SH3TC2: variants seen among roughly 807,000 people sequenced by gnomAD.
The protein encoded by SH3TC2 is SH3 domain and tetratricopeptide repeat-containing protein 2.
Under a neutral mutation model 124.5 loss-of-function variants are expected in SH3TC2, and 87 were observed. The ratio of observed to expected loss-of-function variants is 0.70; its 90% CI spans 0.59 to 0.84. SH3TC2 has a LOEUF of 0.84. Among genes scored for constraint, SH3TC2 ranks in the 40% least tolerant of loss-of-function variants. SH3TC2 has a pLI of 0.00. For synonymous variants in SH3TC2, 634 were observed against 628.5 expected (o/e 1.01, Z -0.13); for missense variants, 1,536 against 1,566.4 (o/e 0.98, Z 0.33).
intron 1 of SH3TC2, among the ~76,000 whole-genome samples, chr5:149,055,418 T>C (rs1248007233): frequency 1.3e-5 from 2 of 151,732 alleles, no homozygotes; most frequent in East Asian, 3.9e-4. Context: ...AATAAATATA[T>C]GAAAATTGTT....
chr5:149,021,820 C>T (rs1190205292), intron 12 of SH3TC2, among the ~76,000 whole-genome samples: 2 of 147,740 alleles, frequency 1.4e-5, no homozygotes, highest in East Asian at 2.1e-4. Context: ...ATTTAGAAGT[C>T]TTCACTGGTG....
At position 148,996,287 on chromosome 5, in the gene SH3TC2, GA is replaced by G. The variant is rs568565416; in HGVS notation, c.*8423del. ...TAAGAGAGAAAGAGAGAGAGAGAGA[GA>G]AACAGACAGATGGACTTTATACAAC... is the stretch of plus-strand genomic sequence containing the variant. On this transcript the variant is annotated 3_prime_UTR_variant, in exon 17 of 17. Transcript: ENST00000515425. Among the ~76,000 whole-genome samples the G allele has an allele frequency of 8.0e-3, 1,219 of 151,792 alleles. 11 individuals carry two copies. The highest frequency in any genetic ancestry group is 0.026 in the African/African-American group (1,072 of 41,384).
At position 148,988,121 on chromosome 5, in the gene SH3TC2, T is replaced by C. The variant is rs564063667; in HGVS notation, c.*16590A>G. On this transcript the variant is annotated 3_prime_UTR_variant, in exon 17 of 17. Coordinates refer to ENST00000515425, the MANE Select transcript of SH3TC2 (RefSeq NM_024577.4). ...CAAGGCTGGGTTCTTTTGGCCTTAC[T>C]GGGTAATAAAAACTCTATGCACACA... Among the ~76,000 whole-genome samples, 26 of 152,264 alleles carry C rather than the reference T, an allele frequency of 1.7e-4. No homozygotes were observed. In the East Asian group the frequency reaches 5.0e-3, roughly 29 times the overall value.
Position 149,027,033 on chromosome 5 carries a change from A to G in SH3TC2, c.2699T>C (p.Leu900Pro). The change falls in exon 11 of 17, where the codon CTG becomes CCG. Residue 900 changes from leucine to proline, a missense_variant. By Grantham distance (98) the Leu-to-Pro change is moderately conservative. Coordinates refer to ENST00000515425, the MANE Select transcript of SH3TC2 (RefSeq NM_024577.4). The stretch of plus-strand genomic sequence containing the variant: ...TTCACAATAGAGTCGTACAGCCTGC[A>G]GGAGATAGTTTCTGGCTGGATGCTG... ...WAQHPARNYL[L>P]QAVRLYCELQ... The G allele has an allele frequency of 6.2e-7, 1 of 1,614,160 alleles. No individual in the cohort carries two copies. The highest frequency in any genetic ancestry group is 8.5e-7 in the Non-Finnish European group (1 of 1,180,036).
intron 8 of SH3TC2, among the ~76,000 whole-genome samples, chr5:149,032,199 T>G (rs1222638794): frequency 1.3e-5 from 2 of 152,194 alleles, no homozygotes; most frequent in African/African-American, 4.8e-5. Context: ...TCACCATTGT[T>G]AAGGTCTGAT....
At chr5:149,014,716 C>T (rs1343453715) in intron 12 of SH3TC2, among the ~76,000 whole-genome samples, 1 of 152,190 alleles carries the variant, frequency 6.6e-6, no homozygotes, top group African/African-American at 2.4e-5. Flanking sequence ...AACTCCACAC[C>T]ATGCTGCAGT....
intron 9 of SH3TC2, among the ~76,000 whole-genome samples, chr5:149,029,276 T>C (rs374681076): frequency 2.0e-5 from 3 of 152,084 alleles, no homozygotes; most frequent in Non-Finnish European, 2.9e-5. Context: ...TTTGTAAAAG[T>C]GGCAGGGGCG....
At chr5:149,033,797 G>A (rs1296829094) in intron 8 of SH3TC2, among the ~76,000 whole-genome samples, 1 of 152,178 alleles carries the variant, frequency 6.6e-6, no homozygotes, top group Non-Finnish European at 1.5e-5. Context: ...ACTACCTGGT[G>A]TTGGTACCAC....
intron 8 of SH3TC2, chr5:149,034,453 GA>G: frequency 2.5e-6 from 1 of 402,878 alleles, no homozygotes; most frequent in Non-Finnish European, 4.9e-6. Context: ...TTCAAAGGAA[GA>G]AGGACTGAAA....
At chr5:149,028,640 A>T in intron 10 of SH3TC2, 37 bp downstream of exon 10, 1 of 1,614,190 alleles carries the variant, frequency 6.2e-7, no homozygotes, top group African/African-American at 1.3e-5. Context: ...TGCTGTCCTC[A>T]AGGATGAATG....
intron 12 of SH3TC2, 80 bp downstream of exon 12, chr5:149,026,492 C>T: frequency 6.4e-6 from 10 of 1,571,928 alleles, no homozygotes; most frequent in Non-Finnish European, 8.7e-6. Flanking sequence ...TACATTTGGA[C>T]TTGCTTCCTG....
chr5:149,051,844 C>T (rs1561773257), intron 2 of SH3TC2, among the ~76,000 whole-genome samples: 2 of 152,168 alleles, frequency 1.3e-5, no homozygotes, highest in African/African-American at 4.8e-5. Context: ...TTTTTAATTA[C>T]CCCATCTCTC....
Position 148,986,894 on chromosome 5 carries a change from A to T in SH3TC2, c.*17817T>A, listed in dbSNP as rs1753341843. Reference sequence around the variant, plus strand: ...GTTACACCCAAAAAATGCTGAGATTATTTAACAATGCAATAATATGAGGTC... The same window carrying T: ...GTTACACCCAAAAAATGCTGAGATTTTTTAACAATGCAATAATATGAGGTC... On this transcript the variant is annotated 3_prime_UTR_variant, in exon 17 of 17. Transcript: ENST00000515425. Among the ~76,000 whole-genome samples the T allele has an allele frequency of 6.6e-6, 1 of 152,244 alleles. No individual in the cohort carries two copies. The highest frequency in any genetic ancestry group is 2.1e-4 in the South Asian group (1 of 4,834).
At chr5:149,013,794 C>T (rs1753824392) in intron 12 of SH3TC2, among the ~76,000 whole-genome samples, 1 of 152,188 alleles carries the variant, frequency 6.6e-6, no homozygotes, top group Non-Finnish European at 1.5e-5. Flanking sequence ...CACTGTGCAT[C>T]ATCTAGATAG....
chr5:149,028,140 C>A lies in SH3TC2; in HGVS notation c.1592G>T (p.Cys531Phe). 1 of 1,614,128 alleles carries A rather than the reference C, an allele frequency of 6.2e-7. No individual in the cohort carries two copies. The highest frequency in any genetic ancestry group is 8.5e-7 in the Non-Finnish European group (1 of 1,180,038). ...GATGCTCAGCCGGCCCAGGAGGAAG[C>A]AGAGACGGGCATGGGCCCAGGTCAT... ...SHMTWAHARL[C>F]FLLGRLSIRK... The change falls in exon 11 of 17, where the codon TGC becomes TTC. Residue 531 changes from cysteine to phenylalanine, a missense_variant. Cys to Phe is a radical substitution (Grantham distance 205, BLOSUM62 -2). Transcript: ENST00000515425.
intron 10 of SH3TC2, 23 bp downstream of exon 10, chr5:149,028,654 G>C (rs1754127444): frequency 6.2e-7 from 1 of 1,614,082 alleles, no homozygotes; most frequent in African/African-American, 1.3e-5. Context: ...ATGAATGTCA[G>C]GTTCAGCATG....
chr5:149,049,644 G>T (rs1396221724), intron 2 of SH3TC2, among the ~76,000 whole-genome samples: 1 of 152,056 alleles, frequency 6.6e-6, no homozygotes, highest in Non-Finnish European at 1.5e-5. Context: ...GGTGGCCTGG[G>T]CATGGTGGTG....
intron 15 of SH3TC2, 101 bp downstream of exon 15, chr5:149,008,750 C>T: frequency 2.6e-6 from 4 of 1,539,732 alleles, no homozygotes; most frequent in Non-Finnish European, 3.6e-6. Context: ...GATTTGAACC[C>T]ACACAGTCTG....
chr5:149,005,562 C>T (rs1753673223), intron 16 of SH3TC2, among the ~76,000 whole-genome samples: 1 of 152,172 alleles, frequency 6.6e-6, no homozygotes, highest in Non-Finnish European at 1.5e-5. Context: ...AGATCACACA[C>T]TTTGTCCCTG....
Sources: allele counts gnomAD v4.1 joint callset (sites outside exome capture counted in the v4.1 genomes callset), GRCh38; gene constraint gnomAD v4.1.1; transcripts MANE v1.5; gene names NCBI Gene and HGNC (gene_info 2026-07-23, HGNC 2026-07-21).